Variants in CTCF observed in about 807,000 individuals in gnomAD.
The protein encoded by CTCF is transcriptional repressor CTCF.
In CTCF, 7 loss-of-function variants were observed where a neutral mutation model predicts 72.3. That is an observed-to-expected ratio of 0.10 (90% CI 0.06 to 0.18). CTCF has a LOEUF of 0.18. CTCF is among the 10% of genes least tolerant of loss of function. The probability of loss-of-function intolerance (pLI) is 1.00; values close to 1 mark genes in which losing one functional copy is unlikely to be tolerated. For missense variants in CTCF, 516 were observed against 949.1 expected, an observed-to-expected ratio of 0.54 and a Z score of 6.00; for synonymous variants, 374 against 315.8, an observed-to-expected ratio of 1.18 and a Z score of -1.95.
chr16:67,617,120 G>T (rs1202312946), intron 5 of CTCF, among the ~76,000 whole-genome samples: 1 of 152,156 alleles, frequency 6.6e-6, no homozygotes, highest in Non-Finnish European at 1.5e-5. Flanking sequence ...CCAGCACTTT[G>T]GGAGGCTGAG....
At chr16:67,565,562 A>G (rs555710787) in intron 1 of CTCF, among the ~76,000 whole-genome samples, 3 of 151,812 alleles carry the variant, frequency 2.0e-5, no homozygotes, top group South Asian at 2.1e-4. Context: ...AGTCCTGGCT[A>G]CTAGGGAGGC....
Position 67,621,606 on chromosome 16 carries a change from T to G in CTCF, c.1357+15T>G. On this transcript the variant is annotated intron_variant, in intron 7 of 11. Transcript: ENST00000264010. ...AAGTGATTTGGGTAAGTAGATTAAC[T>G]AGTGAGAAGTGAAAAAAATATTTTG... 6.4e-7 allele frequency: 1 copy of G among 1,562,998 alleles called. No individual in the cohort carries two copies. The highest frequency in any genetic ancestry group is 8.8e-7 in the Non-Finnish European group (1 of 1,140,980).
At chr16:67,576,103 T>A (rs1362365072) in intron 2 of CTCF, among the ~76,000 whole-genome samples, 1 of 133,972 alleles carries the variant, frequency 7.5e-6, no homozygotes, top group African/African-American at 2.9e-5. Context: ...TAAGGCTGCA[T>A]GCACTCTAGC....
rs986357459 is a variant in CTCF, at chr16:67,589,298, C to G, written c.-10+18034C>G. On this transcript the variant is annotated intron_variant, in intron 2 of 11. Transcript: ENST00000264010. ...TCTGGGAGACAGAGCAAGACCGCAC[C>G]TCTTAAAAAAGATAAATAATTATAA... Among the ~76,000 whole-genome samples the G allele has an allele frequency of 1.1e-4, 16 of 152,016 alleles. 1 individual carries two copies. Among genetic ancestry groups the G allele is most frequent in the Non-Finnish European group, 2.1e-4 (14 of 68,010 alleles).
chr16:67,606,641 G>C (rs957466307), intron 2 of CTCF, among the ~76,000 whole-genome samples: 2 of 151,890 alleles, frequency 1.3e-5, no homozygotes, highest in Non-Finnish European at 2.9e-5. Context: ...ATAATACAAT[G>C]TTAAGGTGCC....
intron 1 of CTCF, among the ~76,000 whole-genome samples, chr16:67,565,464 G>C (rs1279936675): frequency 6.6e-6 from 1 of 151,982 alleles, no homozygotes; most frequent in East Asian, 1.9e-4. Context: ...CACGAGGTCA[G>C]GAGATTGAGA....
At chr16:67,624,814 G>A (rs1193720584) in intron 7 of CTCF, among the ~76,000 whole-genome samples, 5 of 151,386 alleles carry the variant, frequency 3.3e-5, no homozygotes, top group African/African-American at 7.3e-5. Flanking sequence ...GGCTGGTCTC[G>A]TACTCCTGGA....
chr16:67,579,791 A>G (rs145933161), intron 2 of CTCF, among the ~76,000 whole-genome samples: 30 of 152,308 alleles, frequency 2.0e-4, no homozygotes, highest in African/African-American at 7.2e-4. Context: ...AACATAGAGA[A>G]TTGCTTGTAT....
In CTCF at chr16:67,638,140, C is replaced by G; in HGVS notation, c.*268C>G. On this transcript the variant is annotated 3_prime_UTR_variant, in exon 12 of 12. Transcript: ENST00000264010. Reference sequence around the variant, plus strand: ...ACAGTGTTGACAACTAACTCGTTTTCCTAGATGGAAACGGAGACATTGACC... The same window carrying G: ...ACAGTGTTGACAACTAACTCGTTTTGCTAGATGGAAACGGAGACATTGACC... The G allele has an allele frequency of 2.6e-6, 1 of 378,066 alleles. No individual in the cohort carries two copies. The highest frequency in any genetic ancestry group is 4.8e-6 in the Non-Finnish European group (1 of 210,362). The allele number at this position is 378,066 out of a possible 1,614,324, so 23.4% of individuals were successfully genotyped here. A position where few individuals can be genotyped will look rare whatever the true frequency, so the allele number is the denominator to read the frequency against.
rs370539174 is a variant in CTCF at position 67,591,056 on chromosome 16, G to A, written c.-9-19768G>A. Among the ~76,000 whole-genome samples the A allele has an allele frequency of 3.0e-4, 45 of 151,880 alleles. 1 individual carries two copies. The East Asian group carries it at 8.7e-3, about 29-fold the overall frequency. On this transcript the variant is annotated intron_variant, in intron 2 of 11. Transcript: ENST00000264010. ...CACCGTAATCCCAGCACTTTGGGAG[G>A]CCGAGGCGGGCAGATCACTTGAGGT...
At chr16:67,576,151 A>AAC (rs1355642246) in intron 2 of CTCF, among the ~76,000 whole-genome samples, 1 of 150,988 alleles carries the variant, frequency 6.6e-6, no homozygotes, top group Non-Finnish European at 1.5e-5. Context: ...AAAAAAAAAA[A>AAC]AAAAAAAAAA....
chr16:67,600,240 A>AT (rs919421584), intron 2 of CTCF, among the ~76,000 whole-genome samples: 19 of 151,432 alleles, frequency 1.3e-4, no homozygotes, highest in South Asian at 6.3e-4. Flanking sequence ...TATTTTTTTT[A>AT]TTTTTTTTAT....
rs201385997 is a variant in CTCF, at chr16:67,604,814, A to T, written c.-9-6010A>T. Among the ~76,000 whole-genome samples, 24 of 133,580 alleles carry T rather than the reference A, an allele frequency of 1.8e-4. No homozygotes were observed. In the East Asian group the frequency reaches 3.7e-3, roughly 20 times the overall value. The allele number at this position is 133,580 out of a possible 152,430, so 87.6% of individuals were successfully genotyped here. A position where few individuals can be genotyped will look rare whatever the true frequency, so the allele number is the denominator to read the frequency against. On this transcript the variant is annotated intron_variant, in intron 2 of 11. Transcript: ENST00000264010. ...CTTAAAATTACATATAATGTGGCTT[A>T]TGTTTGTGGCTTGCATTATATTTCT...
intron 2 of CTCF, among the ~76,000 whole-genome samples, chr16:67,593,552 CCTT>C (rs1304664063): frequency 1.1e-4 from 16 of 152,040 alleles, no homozygotes; most frequent in Non-Finnish European, 2.9e-5. Flanking sequence ...GCGTTCTCTG[CCTT>C]CTTATGATGT....
At chr16:67,601,257 T>G (rs867514827) in intron 2 of CTCF, among the ~76,000 whole-genome samples, 71 of 116,052 alleles carry the variant, frequency 6.1e-4, no homozygotes, top group East Asian at 2.5e-3. Context: ...TGTGTGTGTT[T>G]TGTTTTGTTT....
chr16:67,616,891 C>T lies in CTCF; in HGVS notation c.1086+13C>T, dbSNP rs769189997. The T allele has an allele frequency of 3.1e-6, 5 of 1,613,584 alleles. No homozygotes were observed. The South Asian group carries it at 4.4e-5, about 14-fold the overall frequency. On this transcript the variant is annotated intron_variant, in intron 5 of 11. Transcript: ENST00000264010. Reference sequence around the variant, plus strand: ...CGCCAGTGTAGAAGTGAGTGTTCAGCTTTTTGTTGGTATCTCTCTTAGGCA... The same window carrying T: ...CGCCAGTGTAGAAGTGAGTGTTCAGTTTTTTGTTGGTATCTCTCTTAGGCA...
chr16:67,576,157 A>C (rs1315948046), intron 2 of CTCF, among the ~76,000 whole-genome samples: 2 of 151,472 alleles, frequency 1.3e-5, no homozygotes, highest in East Asian at 1.9e-4. Context: ...AAAAAAAAAA[A>C]AAAAACGGAA....
chr16:67,638,320 T>G lies in CTCF; in HGVS notation c.*448T>G. 4.6e-6 allele frequency: 1 copy of G among 217,488 alleles called. No individual in the cohort carries two copies. Among genetic ancestry groups the G allele is most frequent in the Non-Finnish European group, 8.7e-6 (1 of 114,962 alleles). The allele number at this position is 217,488 out of a possible 1,614,324, so 13.5% of individuals were successfully genotyped here. A position where few individuals can be genotyped will look rare whatever the true frequency, so the allele number is the denominator to read the frequency against. On this transcript the variant is annotated 3_prime_UTR_variant, in exon 12 of 12. Coordinates refer to ENST00000264010, the MANE Select transcript of CTCF (RefSeq NM_006565.4). ...TGCTTTTGCTTTTCCCTGACTCCCT[T>G]TGCTTGGAGTCAGCTGCACACCAGT...
At chr16:67,573,362 G>A (rs2051450630) in intron 2 of CTCF, among the ~76,000 whole-genome samples, 1 of 152,052 alleles carries the variant, frequency 6.6e-6, no homozygotes. Flanking sequence ...CAGGAGGCAG[G>A]CAGAGGTTGC....
Sources: gnomAD v4.1 joint callset for allele counts (sites outside exome capture counted in the v4.1 genomes callset) on GRCh38, gnomAD v4.1.1 for gene constraint, MANE v1.5 for transcripts, NCBI Gene and HGNC (gene_info 2026-07-23, HGNC 2026-07-21) for gene names.